EIF5B: variants seen among roughly 807,000 people sequenced by gnomAD.
EIF5B encodes eukaryotic translation initiation factor 5B, also known as eIF-5B.
EIF5B carries 47 observed loss-of-function variants against 147.5 expected under a neutral mutation model. The observed-to-expected ratio is 0.32, with a 90% CI of 0.25 to 0.41. The LOEUF (loss-of-function observed/expected upper bound fraction) is 0.41. Among genes scored for constraint, EIF5B ranks in the 10% least tolerant of loss-of-function variants. The pLI, the probability that EIF5B is intolerant of heterozygous loss-of-function variation, is 1.00. For missense variants in EIF5B, 1,064 were observed against 1,413.2 expected (o/e 0.75, Z 3.96); for synonymous variants, 455 against 456.2 (o/e 1.00, Z 0.03).
At chr2:99,381,013 T>G (rs1400638626) in intron 12 of EIF5B, among the ~76,000 whole-genome samples, 1 of 152,218 alleles carries the variant, frequency 6.6e-6, no homozygotes, top group East Asian at 1.9e-4. Context: ...CTGAATTTCG[T>G]CTTTTTATAA....
rs141546279 is a variant in EIF5B at position 99,358,180 on chromosome 2, C to T, written c.36-2056C>T. Among the ~76,000 whole-genome samples the T allele has an allele frequency of 1.1e-4, 16 of 152,250 alleles. No individual in the cohort carries two copies. In the East Asian group the frequency reaches 2.9e-3, roughly 28 times the overall value. ...TCAGGTGATTCAGGTAATCTTCCCA[C>T]CATAGCCTTCCAAGTAGCTGGGACA... On this transcript the variant is annotated intron_variant, in intron 1 of 23. Coordinates refer to ENST00000289371, the MANE Select transcript of EIF5B (RefSeq NM_015904.4).
At position 99,390,280 on chromosome 2, in the gene EIF5B, C is replaced by T; in HGVS notation, c.2465C>T (p.Pro822Leu). Residue 822 changes from proline to leucine, a missense_variant, in exon 16 of 24, where the codon CCT becomes CTT. By Grantham distance (98) the Pro-to-Leu change is moderately conservative (BLOSUM62 -3). Transcript: ENST00000289371. ...CCCCGCACTTTTGTGTCTTTGGTAC[C>T]TACCTCTGCACATACTGGTGATGGC... The part of the protein sequence containing the change: ...KDPRTFVSLV[P>L]TSAHTGDGMG... The T allele has an allele frequency of 1.2e-6, 2 of 1,614,112 alleles. No individual in the cohort carries two copies. The highest frequency in any genetic ancestry group is 8.5e-7 in the Non-Finnish European group (1 of 1,180,018).
At chr2:99,356,915 A>G (rs1333649236) in intron 1 of EIF5B, among the ~76,000 whole-genome samples, 2 of 152,230 alleles carry the variant, frequency 1.3e-5, no homozygotes, top group Non-Finnish European at 2.9e-5. Context: ...TAATTTGACA[A>G]GGTGACTGCC....
chr2:99,382,187 G>T lies in EIF5B; in HGVS notation c.2090G>T (p.Gly697Val). 2 of 1,613,040 alleles carry T rather than the reference G, an allele frequency of 1.2e-6. No individual in the cohort carries two copies. Among genetic ancestry groups the T allele is most frequent in the Non-Finnish European group, 8.5e-7 (1 of 1,179,458 alleles). ...NFDRENVRIPGMLIIDTPGHE... is the reference protein window; with the variant it reads ...NFDRENVRIPVMLIIDTPGHE... The stretch of plus-strand genomic sequence containing the variant: ...GATAGAGAGAATGTACGGATTCCAG[G>T]AATGCTAATTATTGATACTCCTGGG... The change falls in exon 13 of 24, where the codon GGA (glycine) becomes GTA (valine). Residue 697 changes from glycine (G) to valine (V), a missense_variant. Transcript: ENST00000289371.
intron 18 of EIF5B, 84 bp from the exon 19 acceptor site, chr2:99,394,183 C>G (rs376087943): frequency 1.7e-5 from 26 of 1,511,196 alleles, no homozygotes; most frequent in East Asian, 9.0e-5. Context: ...GAGTACTTAA[C>G]CAAAGAGAGA....
intron 1 of EIF5B, among the ~76,000 whole-genome samples, chr2:99,357,387 A>G (rs918386526): frequency 2.0e-5 from 3 of 152,208 alleles, no homozygotes; most frequent in Non-Finnish European, 4.4e-5. Context: ...GGTGGCCTTT[A>G]AAAAATTACC....
In EIF5B at chr2:99,394,581, C is replaced by T. The variant is rs750061897; in HGVS notation, c.3085C>T (p.Pro1029Ser). Reference protein sequence around the residue: ...MKASVMLEHDPQYAVILAFDV... With the variant: ...MKASVMLEHDSQYAVILAFDV... ...GGCTTCAGTGATGTTGGAACATGAC[C>T]CTCAGTAAGTAATTTCTCTTGCTAT... The change falls in exon 20 of 24, where the codon CCT becomes TCT. Residue 1029 changes from proline (P) to serine (S), a missense_variant. Coordinates refer to ENST00000289371, the MANE Select transcript of EIF5B (RefSeq NM_015904.4). The T allele has an allele frequency of 1.2e-6, 2 of 1,614,108 alleles. No homozygotes were observed. The highest frequency in any genetic ancestry group is 1.7e-5 in the Admixed American group (1 of 60,022).
intron 10 of EIF5B, 23 bp downstream of exon 10, chr2:99,376,659 C>T (rs1008908627): frequency 3.8e-6 from 6 of 1,573,748 alleles, no homozygotes; most frequent in African/African-American, 1.4e-5. Flanking sequence ...CCGTTTCTCT[C>T]TACTTTTCTT....
chr2:99,345,971 G>A (rs964313702), intron 1 of EIF5B, among the ~76,000 whole-genome samples: 6 of 151,354 alleles, frequency 4.0e-5, no homozygotes, highest in African/African-American at 1.5e-4. Flanking sequence ...GTGGTGAATT[G>A]GGAATACAAA....
At chr2:99,363,928 A>G in intron 5 of EIF5B, 66 bp downstream of exon 5, 1 of 1,476,784 alleles carries the variant, frequency 6.8e-7, no homozygotes, top group Non-Finnish European at 9.2e-7. Context: ...TCTGTAAAAT[A>G]TCTTTACTCT....
chr2:99,373,509 A>G (rs1022714932), intron 9 of EIF5B, among the ~76,000 whole-genome samples: 1 of 152,118 alleles, frequency 6.6e-6, no homozygotes, highest in African/African-American at 2.4e-5. Context: ...GAGTGACTTA[A>G]TCACTCCCCA....
intron 14 of EIF5B, among the ~76,000 whole-genome samples, chr2:99,384,458 A>G (rs1674757585): frequency 1.3e-5 from 2 of 152,208 alleles, no homozygotes; most frequent in Non-Finnish European, 1.5e-5. Flanking sequence ...TCTGCAGCTC[A>G]TGGATCAAGG....
chr2:99,339,005 C>CAA (rs1559240268), intron 1 of EIF5B, among the ~76,000 whole-genome samples: 3 of 57,624 alleles, frequency 5.2e-5, no homozygotes, highest in East Asian at 1.3e-3. Context: ...TATATATATA[C>CAA]ATTTTTTTTT....
chr2:99,396,653 GAAA>G (rs1559262196), intron 21 of EIF5B, 104 bp from the exon 22 acceptor site: 12 of 1,403,526 alleles, frequency 8.5e-6, no homozygotes, highest in Non-Finnish European at 1.0e-5. Context: ...GGCCGCTGGG[GAAA>G]GCTGCTTTCC....
chr2:99,369,447 A>G lies in EIF5B; in HGVS notation c.1443A>G (p.Pro481=), dbSNP rs777145889. The G allele has an allele frequency of 1.9e-6, 3 of 1,610,858 alleles. No individual in the cohort carries two copies. In the South Asian group the frequency reaches 3.3e-5, roughly 18 times the overall value. The change falls in exon 8 of 24, where the codon CCA becomes CCG. Residue 481 remains proline (P), a synonymous_variant. Transcript: ENST00000289371. ...AAVEVMEQGV[P]EKEETPPPVE... ...TAGAAGTTATGGAACAAGGAGTACC[A>G]GAAAAGGAAGAGACACCACCTCCTG...
intron 1 of EIF5B, among the ~76,000 whole-genome samples, chr2:99,352,406 G>A (rs1269077010): frequency 1.3e-5 from 2 of 151,796 alleles, no homozygotes; most frequent in Non-Finnish European, 2.9e-5. Flanking sequence ...TGTTGGTCAG[G>A]CTGGTATCCA....
intron 14 of EIF5B, among the ~76,000 whole-genome samples, chr2:99,386,583 A>G (rs1674813679): frequency 6.8e-6 from 1 of 147,526 alleles, no homozygotes; most frequent in Non-Finnish European, 1.5e-5. Context: ...GCTGGAGTGC[A>G]GTGTGGCGCA....
chr2:99,364,709 G>A (rs1674291471), intron 6 of EIF5B, among the ~76,000 whole-genome samples: 1 of 152,144 alleles, frequency 6.6e-6, no homozygotes, highest in Admixed American at 6.5e-5. Context: ...GTACCTATCA[G>A]CCAGCTTCAA....
At position 99,371,656 on chromosome 2, in the gene EIF5B, A is replaced by G. The variant is rs754440310; in HGVS notation, c.1478A>G (p.Glu493Gly). 34 of 1,583,138 alleles carry G rather than the reference A, an allele frequency of 2.1e-5. No homozygotes were observed. The highest frequency in any genetic ancestry group is 2.9e-5 in the Non-Finnish European group (34 of 1,158,322). ...KEETPPPVEP[E>G]EEEDTEDAGL... ...CTTAAATGCAAATTTTTACTTACAG[A>G]AGAAGAAGAAGATACTGAGGATGCT... Residue 493 changes from glutamate to glycine, a missense_variant and splice_region_variant, in exon 9 of 24, where the codon GAA becomes GGA. By Grantham distance (98) the Glu-to-Gly change is moderately conservative (BLOSUM62 -2). This residue lies in a region of EIF5B where 195 missense variants were observed against 186.3 expected (regional missense o/e 1.05). Coordinates refer to ENST00000289371, the MANE Select transcript of EIF5B (RefSeq NM_015904.4).
Sources: allele counts gnomAD v4.1 joint callset (sites outside exome capture counted in the v4.1 genomes callset), GRCh38; gene constraint gnomAD v4.1.1; regional missense constraint gnomAD v4.1.1; transcripts MANE v1.5; gene names NCBI Gene and HGNC (gene_info 2026-07-23, HGNC 2026-07-21).